The following GOLGB1 variants were observed in gnomAD, a reference collection of about 807,000 sequenced individuals.
The protein encoded by GOLGB1 is golgin subfamily B member 1.
In GOLGB1, 174 loss-of-function variants were observed where a neutral mutation model predicts 336.9. That is an observed-to-expected ratio of 0.52 (90% CI 0.46 to 0.59). The LOEUF is 0.59. Ranked by LOEUF, GOLGB1 falls within the 20% of genes least tolerant of loss-of-function variation. The pLI, the probability that GOLGB1 is intolerant of heterozygous loss-of-function variation, is 0.00. For synonymous variants in GOLGB1, 1,208 were observed against 1,289.2 expected, an observed-to-expected ratio of 0.94 and a Z score of 1.35; for missense variants, 3,331 against 3,645.3, an observed-to-expected ratio of 0.91 and a Z score of 2.22.
intron 14 of GOLGB1, among the ~76,000 whole-genome samples, chr3:121,690,110 TA>T (rs1004044045): frequency 1.3e-5 from 2 of 152,214 alleles, no homozygotes; most frequent in Admixed American, 1.3e-4. Context: ...AGCCTGCAAA[TA>T]AAACTTTACT....
chr3:121,718,934 A>G (rs1944978661), intron 7 of GOLGB1, among the ~76,000 whole-genome samples: 1 of 152,212 alleles, frequency 6.6e-6, no homozygotes, highest in Non-Finnish European at 1.5e-5. Context: ...AAATTGTTGA[A>G]TAAATAAAGC....
rs1203286551 is a variant in GOLGB1, at chr3:121,694,717, C to A, written c.5806G>T (p.Ala1936Ser). 5 of 1,612,022 alleles carry A rather than the reference C, an allele frequency of 3.1e-6. No individual in the cohort carries two copies. In the East Asian group the frequency reaches 1.1e-4, roughly 36 times the overall value. Residue 1936 changes from alanine (A) to serine (S), a missense_variant, in exon 13 of 22, where the codon GCA (alanine) becomes TCA (serine). Ala to Ser is a moderately conservative substitution (Grantham distance 99). Transcript: ENST00000614479. ...DLEERLMNQL[A>S]ELNGSIGNYC... ...TTCCCAATGCTTCCATTAAGTTCTG[C>A]TAATTGATTCATAAGCCTCTCTTCC... is the stretch of plus-strand genomic sequence containing the variant.
Position 121,696,789 on chromosome 3 carries a change from A to T in GOLGB1, c.3734T>A (p.Val1245Glu), listed in dbSNP as rs1942987024. The T allele has an allele frequency of 1.9e-6, 3 of 1,614,052 alleles. No homozygotes were observed. Among genetic ancestry groups the T allele is most frequent in the Non-Finnish European group, 2.5e-6 (3 of 1,179,966 alleles). Residue 1245 changes from valine (V) to glutamate (E), a missense_variant, in exon 13 of 22, where the codon GTA (valine) becomes GAA (glutamate). Transcript: ENST00000614479. ...GAGTTTTCCGTCTATGGATTCCCTTACTTGAATCTGGAGTTGCCTTAGCTG... is the reference window on the plus strand; with the variant it reads ...GAGTTTTCCGTCTATGGATTCCCTTTCTTGAATCTGGAGTTGCCTTAGCTG... ...GDQLRQLQIQ[V>E]RESIDGKLPS...
chr3:121,731,312 A>T (rs902125416), intron 1 of GOLGB1, among the ~76,000 whole-genome samples: 3 of 152,126 alleles, frequency 2.0e-5, no homozygotes, highest in Non-Finnish European at 4.4e-5. Context: ...TTTTATCTTT[A>T]ATGCCCTTCT....
In GOLGB1 at chr3:121,693,932, C is replaced by T. The variant is rs375627586; in HGVS notation, c.6591G>A (p.Lys2197=). 119 of 1,613,908 alleles carry T rather than the reference C, an allele frequency of 7.4e-5. No homozygotes were observed. The highest frequency in any genetic ancestry group is 5.0e-4 in the Admixed American group (30 of 60,006). The change falls in exon 13 of 22, where the codon AAG becomes AAA. Residue 2197 remains lysine, a synonymous_variant. Coordinates refer to ENST00000614479, the MANE Select transcript of GOLGB1 (RefSeq NM_001366282.2). ...GATCATCCTGGAGGGAAGACATGCT[C>T]TTAGTAAAGGCTGCAAGCTGGGTCA... The part of the protein sequence containing the change: ...STVTQLAAFT[K]SMSSLQDDRD...
intron 1 of GOLGB1, among the ~76,000 whole-genome samples, chr3:121,736,276 A>C (rs1359500835): frequency 1.3e-5 from 2 of 152,176 alleles, no homozygotes; most frequent in Non-Finnish European, 2.9e-5. Flanking sequence ...CAAAGAATAG[A>C]ATATGAAAAA....
rs1331316171 is a variant in GOLGB1 at position 121,729,214 on chromosome 3, G to C, written c.376C>G (p.Pro126Ala). 1 of 1,610,468 alleles carries C rather than the reference G, an allele frequency of 6.2e-7. No homozygotes were observed. The highest frequency in any genetic ancestry group is 8.5e-7 in the Non-Finnish European group (1 of 1,178,508). ...AQGGTVLPTE[P>A]QSEEQLSKHD... The stretch of plus-strand genomic sequence containing the variant: ...TTGGAAAGTTGCTCCTCTGACTGAG[G>C]TTCTGTAGGCAGAACAGTCCCTCCT... Residue 126 changes from proline to alanine, a missense_variant, in exon 4 of 22, where the codon CCT becomes GCT. Pro to Ala is a conservative substitution (Grantham distance 27). Transcript: ENST00000614479.
chr3:121,698,057 ATTC>A lies in GOLGB1; in HGVS notation c.2463_2465del (p.Gln821_Asn822delinsHis). 2 of 1,614,090 alleles carry A rather than the reference ATTC, an allele frequency of 1.2e-6. No homozygotes were observed. Among genetic ancestry groups the A allele is most frequent in the Non-Finnish European group, 1.7e-6 (2 of 1,179,968 alleles). On this transcript the variant is annotated inframe_deletion, in exon 13 of 22. Transcript: ENST00000614479. ...ACTGAAGCTGCACATCATCCAGTTC[ATTC>A]TGTAAAACTTCAATTTTCACATCTT...
At chr3:121,712,703 A>C (rs1944444559) in intron 10 of GOLGB1, among the ~76,000 whole-genome samples, 1 of 152,250 alleles carries the variant, frequency 6.6e-6, no homozygotes, top group Non-Finnish European at 1.5e-5. Flanking sequence ...TCTCAAGAAA[A>C]AAAGTTCAAC....
intron 16 of GOLGB1, 57 bp downstream of exon 16, chr3:121,677,228 A>G (rs1940523650): frequency 4.3e-6 from 6 of 1,386,708 alleles, no homozygotes; most frequent in African/African-American, 1.5e-5. Context: ...CCCTGCAATC[A>G]TCATCATTTG....
At chr3:121,671,894 T>C (rs1939592002) in intron 17 of GOLGB1, among the ~76,000 whole-genome samples, 1 of 152,060 alleles carries the variant, frequency 6.6e-6, no homozygotes, top group African/African-American at 2.4e-5. Flanking sequence ...GAGAATGTGA[T>C]ATTTGTCTTT....
chr3:121,742,503 C>A (rs1275622927), intron 1 of GOLGB1, among the ~76,000 whole-genome samples: 1 of 152,120 alleles, frequency 6.6e-6, no homozygotes. Flanking sequence ...AGACCTAAAA[C>A]CATAAAAAAC....
intron 15 of GOLGB1, among the ~76,000 whole-genome samples, chr3:121,678,921 T>C (rs1940741116): frequency 6.6e-6 from 1 of 152,032 alleles, no homozygotes; most frequent in African/African-American, 2.4e-5. Flanking sequence ...AAAATGAGGC[T>C]GCAACAACTA....
rs1939608272 is a variant in GOLGB1, at chr3:121,671,983, C to CT, written c.9178-2629dup. Among the ~76,000 whole-genome samples the CT allele has an allele frequency of 5.9e-5, 9 of 152,294 alleles. No individual in the cohort carries two copies. In the South Asian group the frequency reaches 1.9e-3, roughly 32 times the overall value. ...CCACAAATGACAGAATTTCATACCTCTAAAAGCTGAATAATATTCCCTTGT... is the reference window on the plus strand; with the variant it reads ...CCACAAATGACAGAATTTCATACCTCTTAAAAGCTGAATAATATTCCCTTGT... On this transcript the variant is annotated intron_variant, in intron 17 of 21. Coordinates refer to ENST00000614479, the MANE Select transcript of GOLGB1 (RefSeq NM_001366282.2).
At position 121,694,832 on chromosome 3, in the gene GOLGB1, G is replaced by C; in HGVS notation, c.5691C>G (p.Thr1897=). ...TTTGCTGATTTAACAGGTTCATTTT[G>C]GTTACTTCCTCCTGAAGCATTTTTA... ...GELKMLQEEV[T]KMNLLNQQIQ... Residue 1897 remains threonine (T), a synonymous_variant, in exon 13 of 22, where the codon ACC becomes ACG. Transcript: ENST00000614479. The C allele has an allele frequency of 6.2e-7, 1 of 1,613,588 alleles. No individual in the cohort carries two copies. Among genetic ancestry groups the C allele is most frequent in the Non-Finnish European group, 8.5e-7 (1 of 1,179,842 alleles).
At chr3:121,708,947 C>A (rs552461148) in intron 10 of GOLGB1, among the ~76,000 whole-genome samples, 1 of 152,164 alleles carries the variant, frequency 6.6e-6, no homozygotes, top group South Asian at 2.1e-4. Context: ...TATAACCCAA[C>A]TATATGTTGC....
intron 20 of GOLGB1, among the ~76,000 whole-genome samples, chr3:121,666,142 G>A (rs946632069): frequency 7.2e-5 from 11 of 152,196 alleles, no homozygotes; most frequent in Non-Finnish European, 1.3e-4. Flanking sequence ...GGTACTGGCT[G>A]CCTTTAAACT....
At chr3:121,664,643 T>C (rs759851978) in intron 21 of GOLGB1, 29 bp from the exon 22 acceptor site, 3 of 1,609,138 alleles carry the variant, frequency 1.9e-6, no homozygotes, top group Non-Finnish European at 2.6e-6. Flanking sequence ...AGTCAGAGAG[T>C]TTTCACCCTA....
At chr3:121,744,667 G>C (rs1055288559) in intron 1 of GOLGB1, among the ~76,000 whole-genome samples, 1 of 147,144 alleles carries the variant, frequency 6.8e-6, no homozygotes. Context: ...AAAACAAAAA[G>C]CTATTTAAAG....
Sources: gnomAD v4.1 joint callset for allele counts (sites outside exome capture counted in the v4.1 genomes callset) on GRCh38, gnomAD v4.1.1 for gene constraint, MANE v1.5 for transcripts, NCBI Gene and HGNC (gene_info 2026-07-23, HGNC 2026-07-21) for gene names.